Variants in STX18 observed in about 807,000 individuals in gnomAD.
STX18 encodes syntaxin-18.
STX18 carries 40 observed loss-of-function variants against 50.1 expected under a neutral mutation model. The ratio of observed to expected loss-of-function variants is 0.80; its 90% confidence interval spans 0.62 to 1.04. The LOEUF is 1.04. Ranked by LOEUF, STX18 falls within the 50% of genes least tolerant of loss-of-function variation. The probability of loss-of-function intolerance (pLI) is 0.00; values close to 1 mark genes in which losing one functional copy is unlikely to be tolerated. For synonymous variants in STX18, 158 were observed against 151.8 expected (o/e 1.04, Z -0.30); for missense variants, 410 against 415.8 (o/e 0.99, Z 0.12).
chr4:4,520,260 A>G (rs1730451715), intron 1 of STX18, among the ~76,000 whole-genome samples: 1 of 152,230 alleles, frequency 6.6e-6, no homozygotes, highest in Non-Finnish European at 1.5e-5. Flanking sequence ...CTCTTTCCCA[A>G]TAGGGTGCTG....
chr4:4,499,018 A>T (rs1729316379), intron 1 of STX18, among the ~76,000 whole-genome samples: 1 of 152,208 alleles, frequency 6.6e-6, no homozygotes, highest in Non-Finnish European at 1.5e-5. Context: ...CAAACCAGCA[A>T]ATGAAGAAGC....
chr4:4,452,123 G>T (rs1726784459), intron 5 of STX18, among the ~76,000 whole-genome samples: 1 of 152,020 alleles, frequency 6.6e-6, no homozygotes, highest in Non-Finnish European at 1.5e-5. Flanking sequence ...TTAAGCCAAA[G>T]CCTAATTCAG....
intron 1 of STX18, among the ~76,000 whole-genome samples, chr4:4,473,358 T>G (rs867416018): frequency 6.7e-6 from 1 of 150,112 alleles, no homozygotes; most frequent in Non-Finnish European, 1.5e-5. Flanking sequence ...AGTGGTGCCA[T>G]CTCGGCTCAG....
chr4:4,472,001 T>C (rs2108836494), intron 1 of STX18, among the ~76,000 whole-genome samples: 1 of 152,370 alleles, frequency 6.6e-6, no homozygotes, highest in African/African-American at 2.4e-5. Flanking sequence ...TTACATAGCA[T>C]GTGTTCAATA....
chr4:4,542,071 C>T (rs1187112883), upstream of STX18: 2 of 1,270,610 alleles, frequency 1.6e-6, no homozygotes, highest in East Asian at 3.1e-5. Flanking sequence ...CACGCCTCCC[C>T]CCGGCAACGG....
In STX18 at chr4:4,470,122, A is replaced by C. The variant is rs186312704; in HGVS notation, c.236+1517T>G. On this transcript the variant is annotated intron_variant, in intron 2 of 10. Transcript: ENST00000306200. ...GTATTTTACCCCCAGATGTGCCCTAAGCATCTAGAATTCAATAAACCTGTG... is the reference window on the plus strand; with the variant it reads ...GTATTTTACCCCCAGATGTGCCCTACGCATCTAGAATTCAATAAACCTGTG... Among the ~76,000 whole-genome samples the C allele has an allele frequency of 2.6e-5, 4 of 152,306 alleles. No individual in the cohort carries two copies. The East Asian group carries it at 5.8e-4, about 22-fold the overall frequency.
chr4:4,485,009 C>A (rs569597046), intron 1 of STX18, among the ~76,000 whole-genome samples: 11 of 152,220 alleles, frequency 7.2e-5, no homozygotes, highest in Non-Finnish European at 1.6e-4. Flanking sequence ...TCAATCCAAA[C>A]CCCATCTGGT....
At chr4:4,511,742 GTGTGTGTGTGTGTGTGTGTA>G (rs1730016467) in intron 1 of STX18, among the ~76,000 whole-genome samples, 1 of 150,704 alleles carries the variant, frequency 6.6e-6, no homozygotes, top group Non-Finnish European at 1.5e-5. Context: ...GTGTGTGTGT[GTGTGTGTGTGTGTGTGTGTA>G]TGCCCCTAGG....
intron 1 of STX18, among the ~76,000 whole-genome samples, chr4:4,479,335 C>T (rs780729121): frequency 2.6e-4 from 40 of 152,140 alleles, no homozygotes; most frequent in Non-Finnish European, 5.4e-4. Context: ...AAACCGAGTG[C>T]CTGTGTGCTT....
At chr4:4,500,814 T>A (rs183700733) in intron 1 of STX18, among the ~76,000 whole-genome samples, 1 of 152,288 alleles carries the variant, frequency 6.6e-6, no homozygotes, top group East Asian at 1.9e-4. Context: ...GGTGGGTGGA[T>A]CACCTGAGGT....
At chr4:4,538,097 T>C (rs1275615791) in intron 1 of STX18, among the ~76,000 whole-genome samples, 1 of 142,956 alleles carries the variant, frequency 7.0e-6, no homozygotes, top group Non-Finnish European at 1.5e-5. Flanking sequence ...AAGGTCCTTT[T>C]GAGTGAAAAA....
intron 1 of STX18, among the ~76,000 whole-genome samples, chr4:4,506,893 T>C (rs1729733961): frequency 6.6e-6 from 1 of 152,190 alleles, no homozygotes; most frequent in Non-Finnish European, 1.5e-5. Context: ...CAGTTGACCA[T>C]GAGTAACTGA....
At chr4:4,437,588 C>G in intron 6 of STX18, 2 of 984,030 alleles carry the variant, frequency 2.0e-6, no homozygotes, top group Non-Finnish European at 2.4e-6. Context: ...CCTGTAATTT[C>G]TGTGACATGT....
chr4:4,502,269 G>T (rs1480353222), intron 1 of STX18, among the ~76,000 whole-genome samples: 1 of 152,048 alleles, frequency 6.6e-6, no homozygotes, highest in Admixed American at 6.5e-5. Flanking sequence ...CATTGTTTTA[G>T]TAAAGAATTT....
rs114212277 is a variant in STX18, at chr4:4,457,709, T to C, written c.353-209A>G. ...AAAGATTAAACCTGTAGAAAATCTA[T>C]AGTCAAATAATTTATGGTTTATCAG... On this transcript the variant is annotated intron_variant, in intron 3 of 10. Transcript: ENST00000306200. Among the ~76,000 whole-genome samples the C allele has an allele frequency of 2.3e-3, 347 of 152,368 alleles. 2 individuals are homozygous for C. Among genetic ancestry groups the C allele is most frequent in the African/African-American group, 7.8e-3 (325 of 41,588 alleles).
At chr4:4,487,625 G>A (rs1027999526) in intron 1 of STX18, among the ~76,000 whole-genome samples, 1 of 152,142 alleles carries the variant, frequency 6.6e-6, no homozygotes, top group African/African-American at 2.4e-5. Flanking sequence ...AAACCAAAGA[G>A]GTGTTACCTG....
At chr4:4,434,951 C>CATGTAGTCATAACACAAACA in intron 6 of STX18, 93 bp from the exon 7 acceptor site, 1 of 786,086 alleles carries the variant, frequency 1.3e-6, no homozygotes, top group Non-Finnish European at 2.0e-6. Flanking sequence ...AGAGATTAAA[C>CATGTAGTCATAACACAAACA]AGAATCTTAC....
intron 5 of STX18, among the ~76,000 whole-genome samples, chr4:4,450,524 G>C (rs553210964): frequency 1.3e-5 from 2 of 152,056 alleles, no homozygotes; most frequent in East Asian, 1.9e-4. Flanking sequence ...GGCTGGTCCC[G>C]AACTCCCGGC....
chr4:4,459,857 A>G (rs1235058525), intron 2 of STX18, among the ~76,000 whole-genome samples: 1 of 152,182 alleles, frequency 6.6e-6, no homozygotes, highest in Non-Finnish European at 1.5e-5. Flanking sequence ...AAATGACTGA[A>G]TCAGAGGGTG....
Sources: allele counts gnomAD v4.1 joint callset (sites outside exome capture counted in the v4.1 genomes callset), GRCh38; gene constraint gnomAD v4.1.1; transcripts MANE v1.5; gene names NCBI Gene and HGNC (gene_info 2026-07-23, HGNC 2026-07-21).